Variants in DIS3L2 observed in about 807,000 individuals in gnomAD.
DIS3L2 encodes DIS3 like 3'-5' exoribonuclease 2.
In DIS3L2, 34 loss-of-function variants were observed where a neutral mutation model predicts 97.5. That is an observed-to-expected ratio of 0.35 (90% CI 0.27 to 0.46). The LOEUF (loss-of-function observed/expected upper bound fraction) is 0.46. DIS3L2 is among the 20% of genes least tolerant of loss of function. The pLI, the probability that DIS3L2 is intolerant of heterozygous loss-of-function variation, is 1.00. For missense variants in DIS3L2, 1,038 were observed against 1,146.0 expected, an observed-to-expected ratio of 0.91 and a Z score of 1.36; for synonymous variants, 435 against 445.2, an observed-to-expected ratio of 0.98 and a Z score of 0.29.
intron 6 of DIS3L2, among the ~76,000 whole-genome samples, chr2:232,118,565 A>G (rs1559647693): frequency 6.6e-6 from 1 of 152,212 alleles, no homozygotes; most frequent in South Asian, 2.1e-4. Context: ...ACAGTCTTGT[A>G]TTTAGCAACT....
rs1203169496 is a variant in DIS3L2 at position 232,136,569 on chromosome 2, T to C, written c.800T>C (p.Leu267Pro). The change falls in exon 8 of 21, where the codon CTG (leucine) becomes CCG (proline). Residue 267 changes from leucine (L) to proline (P), a missense_variant. Leu to Pro is a moderately conservative substitution (Grantham distance 98). This residue lies in a region of DIS3L2 where 813 missense variants were observed against 880.1 expected (regional missense o/e 0.92). Coordinates refer to ENST00000325385, the MANE Select transcript of DIS3L2 (RefSeq NM_152383.5). ...KNSELFRKYA[L>P]FSPSDHRVPR... ...AGCGAACTGTTTAGGAAATACGCCCTGTTTTCTCCCTCAGACCACCGAGTG... is the reference window on the plus strand; with the variant it reads ...AGCGAACTGTTTAGGAAATACGCCCCGTTTTCTCCCTCAGACCACCGAGTG... 6.2e-7 allele frequency: 1 copy of C among 1,614,082 alleles called. No individual in the cohort carries two copies.
At chr2:232,240,091 C>T (rs188797754) in intron 11 of DIS3L2, among the ~76,000 whole-genome samples, 1 of 152,210 alleles carries the variant, frequency 6.6e-6, no homozygotes, top group African/African-American at 2.4e-5. Context: ...CCTAGATGGG[C>T]TCTCTTGTCC....
chr2:232,250,794 T>G (rs1693395309), intron 12 of DIS3L2, among the ~76,000 whole-genome samples: 1 of 152,132 alleles, frequency 6.6e-6, no homozygotes, highest in Non-Finnish European at 1.5e-5. Context: ...TTCTTTTTGC[T>G]GCCAGCCCCA....
intron 12 of DIS3L2, among the ~76,000 whole-genome samples, chr2:232,250,925 C>G (rs1206759638): frequency 6.6e-6 from 1 of 152,016 alleles, no homozygotes; most frequent in African/African-American, 2.4e-5. Flanking sequence ...ATCAGCAGCC[C>G]AGCTGTCTTT....
At chr2:231,986,041 C>T (rs749115845) in intron 1 of DIS3L2, among the ~76,000 whole-genome samples, 6 of 152,158 alleles carry the variant, frequency 3.9e-5, no homozygotes, top group Non-Finnish European at 5.9e-5. Context: ...TGCTTCAGTC[C>T]GCTCCTGGTG....
intron 9 of DIS3L2, among the ~76,000 whole-genome samples, chr2:232,205,962 G>A (rs1175478839): frequency 6.6e-6 from 1 of 152,150 alleles, no homozygotes; most frequent in African/African-American, 2.4e-5. Context: ...ATGGGCCCTT[G>A]TTCTCCCTGC....
chr2:232,032,917 G>C (rs1694852442), intron 5 of DIS3L2, among the ~76,000 whole-genome samples: 1 of 152,146 alleles, frequency 6.6e-6, no homozygotes, highest in African/African-American at 2.4e-5. Flanking sequence ...TTTGAAGTCA[G>C]GTAGCGTGAT....
intron 9 of DIS3L2, among the ~76,000 whole-genome samples, chr2:232,168,707 G>T (rs757708624): frequency 1.1e-4 from 17 of 152,114 alleles, no homozygotes; most frequent in South Asian, 2.1e-4. Context: ...CATAGTGAGG[G>T]TGCCAGGGTT....
chr2:232,341,270 A>G (rs899136375), downstream of DIS3L2, among the ~76,000 whole-genome samples: 4 of 152,238 alleles, frequency 2.6e-5, no homozygotes, highest in African/African-American at 7.2e-5. Context: ...GGAGCAGCTC[A>G]GCCCCAGGTG....
intron 1 of DIS3L2, among the ~76,000 whole-genome samples, chr2:231,977,069 A>G (rs772446303): frequency 6.6e-6 from 1 of 152,144 alleles, no homozygotes; most frequent in African/African-American, 2.4e-5. Flanking sequence ...CCGGCCACAC[A>G]AAGTCTTTTT....
At chr2:232,205,194 T>C (rs930445302) in intron 9 of DIS3L2, among the ~76,000 whole-genome samples, 4 of 138,352 alleles carry the variant, frequency 2.9e-5, no homozygotes, top group Non-Finnish European at 4.5e-5. Context: ...TATCCAAAAA[T>C]ATTTGAAGGC....
At chr2:232,225,669 A>C (rs1388446899) in intron 10 of DIS3L2, among the ~76,000 whole-genome samples, 1 of 152,164 alleles carries the variant, frequency 6.6e-6, no homozygotes, top group Non-Finnish European at 1.5e-5. Flanking sequence ...TTACTTTGTA[A>C]AACTTCATTG....
intron 5 of DIS3L2, among the ~76,000 whole-genome samples, chr2:232,086,659 A>ATGTGTGTGTG (rs753898708): frequency 2.2e-5 from 2 of 92,510 alleles, no homozygotes; most frequent in East Asian, 3.0e-4. Context: ...ATATATATAT[A>ATGTGTGTGTG]TGTGTGTGTG....
chr2:232,091,223 G>A (rs1446924253), intron 6 of DIS3L2, among the ~76,000 whole-genome samples: 1 of 152,202 alleles, frequency 6.6e-6, no homozygotes. Flanking sequence ...ATGTTCAGCT[G>A]TTGTGCTAGG....
intron 9 of DIS3L2, among the ~76,000 whole-genome samples, chr2:232,201,435 G>A (rs1574942308): frequency 6.6e-6 from 1 of 152,164 alleles, no homozygotes; most frequent in South Asian, 2.1e-4. Flanking sequence ...AACATAAGAC[G>A]CTTTACAAGA....
chr2:232,055,846 A>C (rs1695533402), intron 5 of DIS3L2, among the ~76,000 whole-genome samples: 1 of 152,208 alleles, frequency 6.6e-6, no homozygotes. Flanking sequence ...TGATAAAGGG[A>C]ACAGTGCACT....
At chr2:232,203,183 C>T (rs77108518) in intron 9 of DIS3L2, among the ~76,000 whole-genome samples, 1 of 152,096 alleles carries the variant, frequency 6.6e-6, no homozygotes, top group South Asian at 2.1e-4. Flanking sequence ...ATTCTTTATC[C>T]ACTTAAGGTT....
At position 232,033,117 on chromosome 2, in the gene DIS3L2, A is replaced by G. The variant is rs143545976; in HGVS notation, c.366+3037A>G. Among the ~76,000 whole-genome samples the G allele has an allele frequency of 3.5e-3, 540 of 152,304 alleles. 3 individuals are homozygous for G. The highest frequency in any genetic ancestry group is 0.012 in the African/African-American group (495 of 41,564). The stretch of plus-strand genomic sequence containing the variant: ...ACAATATTGATTCTTCCTATCTATG[A>G]GCATGGAATATTTTTCCATTTGTGT... On this transcript the variant is annotated intron_variant, in intron 5 of 20. Transcript: ENST00000325385.
At chr2:232,048,435 C>CTA (rs1389960930) in intron 5 of DIS3L2, among the ~76,000 whole-genome samples, 1 of 151,990 alleles carries the variant, frequency 6.6e-6, no homozygotes, top group Admixed American at 6.6e-5. Flanking sequence ...CTTGTGGGCA[C>CTA]TTAATAAGAG....
Sources: gnomAD v4.1 joint callset for allele counts (sites outside exome capture counted in the v4.1 genomes callset) on GRCh38, gnomAD v4.1.1 for gene constraint, gnomAD v4.1.1 regional missense constraint, MANE v1.5 for transcripts, NCBI Gene and HGNC (gene_info 2026-07-23, HGNC 2026-07-21) for gene names.